CEACAM4: variants seen among roughly 807,000 people sequenced by gnomAD.
CEACAM4 encodes the protein cell adhesion molecule CEACAM4.
Under a neutral mutation model 28.7 loss-of-function variants are expected in CEACAM4, and 30 were observed. The observed-to-expected ratio is 1.05, with a 90% CI of 0.78 to 1.42. The LOEUF (loss-of-function observed/expected upper bound fraction) is 1.42, where lower values mean the gene tolerates loss of function less well. Among genes scored for constraint, CEACAM4 ranks in the 40% most tolerant of loss-of-function variants. The pLI is 0.00. For missense variants in CEACAM4, 330 were observed against 308.2 expected, an observed-to-expected ratio of 1.07 and a Z score of -0.53; for synonymous variants, 143 against 126.5, an observed-to-expected ratio of 1.13 and a Z score of -0.87.
chr19:41,619,131 G>A lies in CEACAM4; in HGVS notation c.*199C>T, dbSNP rs1184666634. ...TGTGGTGATGAGAGGCCTTTGTCCCGGCCCACCCAGAGCCCAGGGCAACCT... is the reference window on the plus strand; with the variant it reads ...TGTGGTGATGAGAGGCCTTTGTCCCAGCCCACCCAGAGCCCAGGGCAACCT... On this transcript the variant is annotated 3_prime_UTR_variant, in exon 7 of 7. Transcript: ENST00000221954. The A allele has an allele frequency of 8.7e-6, 5 of 577,730 alleles. No individual in the cohort carries two copies. The highest frequency in any genetic ancestry group is 2.2e-5 in the South Asian group (1 of 44,468). 35.8% of individuals were successfully genotyped at this position (577,730 alleles called of 1,614,324 possible). A position where few individuals can be genotyped will look rare whatever the true frequency, so the allele number is the denominator to read the frequency against.
chr19:41,624,130 C>T (rs1167268346), intron 2 of CEACAM4, among the ~76,000 whole-genome samples: 2 of 152,104 alleles, frequency 1.3e-5, no homozygotes, highest in Non-Finnish European at 2.9e-5. Flanking sequence ...ATCATTCCTA[C>T]ATTCAATCCC....
chr19:41,616,514 TAGATA>T (rs2070985733), downstream of CEACAM4, among the ~76,000 whole-genome samples: 1 of 151,382 alleles, frequency 6.6e-6, no homozygotes, highest in South Asian at 2.1e-4. Context: ...GATAGATAGA[TAGATA>T]GATAGATAGA....
At chr19:41,615,997 G>A (rs782034597), downstream of CEACAM4, among the ~76,000 whole-genome samples, 13 of 152,108 alleles carry the variant, frequency 8.5e-5, no homozygotes, top group Non-Finnish European at 1.8e-4. Flanking sequence ...CCTTTTCTGG[G>A]TAAAGTGAAG....
In CEACAM4 at chr19:41,625,581, G is replaced by A. The variant is rs1344753408; in HGVS notation, c.424+20C>T. 3.9e-6 allele frequency: 6 copies of A among 1,556,252 alleles called. No individual in the cohort carries two copies. In the African/African-American group the frequency reaches 8.2e-5, roughly 21 times the overall value. On this transcript the variant is annotated intron_variant, in intron 2 of 6. Transcript: ENST00000221954. ...GCAGAACTGACCGCCAGCACCCAGA[G>A]GTATGGGGGAATCACTCACGGTGTA... is the stretch of plus-strand genomic sequence containing the variant.
intron 2 of CEACAM4, among the ~76,000 whole-genome samples, chr19:41,624,524 C>T (rs1466109143): frequency 1.3e-5 from 2 of 152,164 alleles, no homozygotes; most frequent in African/African-American, 4.8e-5. Context: ...TCTGTATTTA[C>T]TCATAACTCT....
chr19:41,615,136 C>T (rs908234462), downstream of CEACAM4, among the ~76,000 whole-genome samples: 8 of 151,980 alleles, frequency 5.3e-5, no homozygotes, highest in Admixed American at 5.2e-4. Flanking sequence ...TGTGATTGAC[C>T]TTGGGGGCTG....
downstream of CEACAM4, among the ~76,000 whole-genome samples, chr19:41,616,048 T>C (rs1283049262): frequency 1.3e-5 from 2 of 152,104 alleles, no homozygotes; most frequent in Non-Finnish European, 2.9e-5. Context: ...GTTTTGTTTT[T>C]AGATGGAGCC....
downstream of CEACAM4, among the ~76,000 whole-genome samples, chr19:41,617,715 G>T (rs1475393358): frequency 6.6e-6 from 1 of 152,120 alleles, no homozygotes; most frequent in African/African-American, 2.4e-5. Flanking sequence ...CACAGCCAAG[G>T]TTGCAGGAGG....
At position 41,619,182 on chromosome 19, in the gene CEACAM4, G is replaced by C. The variant is rs750572011; in HGVS notation, c.*148C>G. ...GTCAGGGTCTCCAGATATTCAGCAG[G>C]GACTCCCATCCCTCCCTGTCCCCAG... On this transcript the variant is annotated 3_prime_UTR_variant, in exon 7 of 7. Coordinates refer to ENST00000221954, the MANE Select transcript of CEACAM4 (RefSeq NM_001817.4). 10 of 687,478 alleles carry C rather than the reference G, an allele frequency of 1.5e-5. No homozygotes were observed. The Admixed American group carries it at 2.2e-4, about 15-fold the overall frequency. 42.6% of individuals were successfully genotyped at this position (687,478 alleles called of 1,614,324 possible).
At chr19:41,626,754 T>C (rs961506511) in intron 1 of CEACAM4, 146 bp downstream of exon 1, 35 of 607,518 alleles carry the variant, frequency 5.8e-5, no homozygotes, top group Non-Finnish European at 8.9e-5. Flanking sequence ...TTCTCTCCCT[T>C]ATCCAGCCTC....
At chr19:41,618,000 A>ACCTGTGGCAGTGGCAGAACACTCTTGGG (rs587676745), downstream of CEACAM4, among the ~76,000 whole-genome samples, 1 of 151,370 alleles carries the variant, frequency 6.6e-6, no homozygotes, top group African/African-American at 2.4e-5. Flanking sequence ...CAGGACGAAC[A>ACCTGTGGCAGTGGCAGAACACTCTTGGG]ACCTGTGGCA....
At chr19:41,620,435 G>A in intron 4 of CEACAM4, 140 bp downstream of exon 4, 1 of 872,858 alleles carries the variant, frequency 1.1e-6, no homozygotes, top group Non-Finnish European at 1.7e-6. Flanking sequence ...AAGACAGTCG[G>A]GGTCCCCTGT....
intron 4 of CEACAM4, 80 bp downstream of exon 4, chr19:41,620,495 C>T (rs1161137931): frequency 1.6e-6 from 2 of 1,244,986 alleles, no homozygotes; most frequent in Non-Finnish European, 2.3e-6. Context: ...GGGTCAGAGG[C>T]CCCCAGGGGG....
At chr19:41,619,421 AC>A in intron 6 of CEACAM4, 26 bp from the exon 7 acceptor site, 1 of 1,610,900 alleles carries the variant, frequency 6.2e-7, no homozygotes, top group African/African-American at 1.3e-5. Context: ...AGAGGCCTCA[AC>A]CCCTGTAGCC....
intron 2 of CEACAM4, among the ~76,000 whole-genome samples, chr19:41,622,491 C>T (rs1555801979): frequency 6.6e-6 from 1 of 152,140 alleles, no homozygotes; most frequent in Admixed American, 6.5e-5. Flanking sequence ...AGGGGTCTTC[C>T]ATGTGCCAGG....
Position 41,622,851 on chromosome 19 carries a change from T to TAG in CEACAM4, c.425-1084_425-1083insCT, listed in dbSNP as rs1568653842. Among the ~76,000 whole-genome samples, 1,062 of 115,892 alleles carry TAG rather than the reference T, an allele frequency of 9.2e-3. 13 individuals carry two copies. Among genetic ancestry groups the TAG allele is most frequent in the African/African-American group, 0.033 (746 of 22,922 alleles). 76.0% of individuals were successfully genotyped at this position (115,892 alleles called of 152,430 possible). A position where few individuals can be genotyped will look rare whatever the true frequency, so the allele number is the denominator to read the frequency against. On this transcript the variant is annotated intron_variant, in intron 2 of 6. Transcript: ENST00000221954. Reference sequence around the variant, plus strand: ...TTGATCTCTAGCATATATATACATATATATAGATAGATAGATAGATAGATA... The same window carrying TAG: ...TTGATCTCTAGCATATATATACATATAGATATAGATAGATAGATAGATAGATA...
intron 5 of CEACAM4, 64 bp downstream of exon 5, chr19:41,620,147 C>G (rs2071175962): frequency 7.1e-7 from 1 of 1,399,480 alleles, no homozygotes; most frequent in Non-Finnish European, 9.6e-7. Flanking sequence ...TTGATGGTCC[C>G]CCTGCCCTGA....
rs782480356 is a variant in CEACAM4 at position 41,621,708 on chromosome 19, A to G, written c.485T>C (p.Val162Ala). ...AVAGIVTGVL[V>A]GVALVAALVC... ...CAGGGCGGCCACCAGAGCCACCCCA[A>G]CCAGGACCCCAGTCACGATGCCAGC... Residue 162 changes from valine (V) to alanine (A), a missense_variant, in exon 3 of 7, where the codon GTT becomes GCT. Val to Ala is a moderately conservative substitution (Grantham distance 64, BLOSUM62 0). Transcript: ENST00000221954. The G allele has an allele frequency of 6.2e-7, 1 of 1,613,494 alleles. No individual in the cohort carries two copies. Among genetic ancestry groups the G allele is most frequent in the South Asian group, 1.1e-5 (1 of 91,058 alleles).
chr19:41,619,698 C>A lies in CEACAM4; in HGVS notation c.641G>T (p.Ser214Ile). The change falls in exon 6 of 7, where the codon AGC (serine) becomes ATC (isoleucine). Residue 214 changes from serine to isoleucine, a missense_variant. By Grantham distance (142) the Ser-to-Ile change is moderately radical. Transcript: ENST00000221954. ...HRSTFSAPLP[S>I]PRTATPIYEE... ...ATAGATGGGAGTGGCTGTTCTGGGG[C>A]TGGGTAGAGGGGCCTGGGCAGGGGA... 1 of 1,589,810 alleles carries A rather than the reference C, an allele frequency of 6.3e-7. No homozygotes were observed. Among genetic ancestry groups the A allele is most frequent in the Admixed American group, 1.7e-5 (1 of 57,250 alleles).
Sources: allele counts gnomAD v4.1 joint callset (sites outside exome capture counted in the v4.1 genomes callset), GRCh38; gene constraint gnomAD v4.1.1; transcripts MANE v1.5; gene names NCBI Gene and HGNC (gene_info 2026-07-23, HGNC 2026-07-21).